Variants in AXDND1 observed in about 807,000 individuals in gnomAD.
The protein encoded by AXDND1 is axonemal dynein light chain domain-containing protein 1.
AXDND1 carries 110 observed loss-of-function variants against 137.5 expected under a neutral mutation model. The observed-to-expected ratio is 0.80, with a 90% confidence interval of 0.69 to 0.94. The LOEUF is 0.94. Among genes scored for constraint, AXDND1 ranks in the 40% least tolerant of loss-of-function variants. The pLI is 0.00. For missense variants in AXDND1, 1,191 were observed against 1,169.8 expected (o/e 1.02, Z -0.26); for synonymous variants, 414 against 399.7 (o/e 1.04, Z -0.43).
intron 16 of AXDND1, among the ~76,000 whole-genome samples, chr1:179,466,285 CTT>C (rs143320609): frequency 2.3e-5 from 2 of 87,800 alleles, no homozygotes; most frequent in Admixed American, 1.4e-4. Flanking sequence ...TCTTCTTCTT[CTT>C]TTTTTTTTTT....
At chr1:179,515,765 G>T (rs965156302) in intron 21 of AXDND1, among the ~76,000 whole-genome samples, 1 of 151,870 alleles carries the variant, frequency 6.6e-6, no homozygotes, top group Non-Finnish European at 1.5e-5. Context: ...TACAAATGAG[G>T]GTTCATTTTT....
intron 17 of AXDND1, among the ~76,000 whole-genome samples, chr1:179,481,475 T>G (rs1665374249): frequency 6.6e-6 from 1 of 152,212 alleles, no homozygotes; most frequent in African/African-American, 2.4e-5. Flanking sequence ...GCAGCATGAT[T>G]TAATAATCCT....
At chr1:179,438,480 A>T (rs1194891393) in intron 15 of AXDND1, among the ~76,000 whole-genome samples, 1 of 152,220 alleles carries the variant, frequency 6.6e-6, no homozygotes, top group Non-Finnish European at 1.5e-5. Flanking sequence ...CTTTGAATAG[A>T]ATCATGCAAA....
chr1:179,533,182 A>C (rs996095001), intron 23 of AXDND1: 3 of 152,184 alleles, frequency 2.0e-5, no homozygotes, highest in Non-Finnish European at 4.4e-5. Context: ...TTCTGGGAAA[A>C]TGTTAATATT....
At chr1:179,536,619 G>A (rs1572203996) in intron 25 of AXDND1, among the ~76,000 whole-genome samples, 1 of 152,198 alleles carries the variant, frequency 6.6e-6, no homozygotes, top group Non-Finnish European at 1.5e-5. Context: ...CCGTAGCCTT[G>A]TAGTATAGTT....
At chr1:179,482,739 G>A (rs947312640) in intron 17 of AXDND1, among the ~76,000 whole-genome samples, 4 of 151,716 alleles carry the variant, frequency 2.6e-5, no homozygotes, top group African/African-American at 7.3e-5. Context: ...GGTGGTGGGT[G>A]GTGGAAAGGG....
chr1:179,484,158 G>C (rs149773117), intron 18 of AXDND1, among the ~76,000 whole-genome samples: 1 of 152,194 alleles, frequency 6.6e-6, no homozygotes, highest in Admixed American at 6.5e-5. Context: ...TACTCTTGCC[G>C]TAGGCATCTG....
intron 21 of AXDND1, among the ~76,000 whole-genome samples, chr1:179,517,678 C>G (rs946695837): frequency 6.6e-6 from 1 of 152,214 alleles, no homozygotes; most frequent in Middle Eastern, 3.2e-3. Flanking sequence ...TGACTCAGCT[C>G]CAGGTAAGGT....
chr1:179,413,046 T>C (rs1654131981), intron 12 of AXDND1, among the ~76,000 whole-genome samples: 1 of 152,204 alleles, frequency 6.6e-6, no homozygotes, highest in Non-Finnish European at 1.5e-5. Context: ...TACATCTTGA[T>C]TTCCTTTTAC....
intron 21 of AXDND1, among the ~76,000 whole-genome samples, chr1:179,519,149 G>A (rs1669823119): frequency 6.6e-6 from 1 of 152,170 alleles, no homozygotes; most frequent in Admixed American, 6.5e-5. Context: ...CAGTGATGTT[G>A]AGCTTTTTCT....
chr1:179,527,505 G>A (rs1474045389), intron 22 of AXDND1, among the ~76,000 whole-genome samples: 2 of 152,150 alleles, frequency 1.3e-5, no homozygotes, highest in African/African-American at 4.8e-5. Flanking sequence ...GTCTCTGACA[G>A]TATACTCATA....
intron 18 of AXDND1, among the ~76,000 whole-genome samples, chr1:179,485,389 C>T (rs1415393212): frequency 6.6e-6 from 1 of 152,184 alleles, no homozygotes; most frequent in Admixed American, 6.5e-5. Flanking sequence ...TGATACCAGA[C>T]CCTAGAGTTA....
At chr1:179,407,749 G>T (rs1179431208) in intron 11 of AXDND1, among the ~76,000 whole-genome samples, 10 of 152,124 alleles carry the variant, frequency 6.6e-5, no homozygotes, top group Admixed American at 5.9e-4. Flanking sequence ...TCAAATTTGG[G>T]TTGGGGATCT....
chr1:179,506,193 G>A (rs1668523318), intron 20 of AXDND1, among the ~76,000 whole-genome samples: 1 of 151,828 alleles, frequency 6.6e-6, no homozygotes, highest in African/African-American at 2.4e-5. Context: ...ACTGTTCCAA[G>A]GACCTAGAAT....
At chr1:179,508,104 G>A (rs1668698267) in intron 20 of AXDND1, among the ~76,000 whole-genome samples, 1 of 152,132 alleles carries the variant, frequency 6.6e-6, no homozygotes, top group East Asian at 1.9e-4. Context: ...AGTGGCTCAT[G>A]CCTGTAATCC....
At chr1:179,411,666 AG>A (rs1472742965) in intron 12 of AXDND1, among the ~76,000 whole-genome samples, 1 of 98,268 alleles carries the variant, frequency 1.0e-5, no homozygotes, top group Non-Finnish European at 2.3e-5. Flanking sequence ...TACACAATTA[AG>A]GGTCTTTTTT....
At chr1:179,378,532 G>C (rs1289922675) in intron 4 of AXDND1, 105 bp from the exon 5 acceptor site, 1 of 852,548 alleles carries the variant, frequency 1.2e-6, no homozygotes, top group East Asian at 3.3e-5. Context: ...TGCTGACACA[G>C]AGGACCATCT....
At chr1:179,471,249 T>C (rs1460431749) in intron 17 of AXDND1, among the ~76,000 whole-genome samples, 1 of 152,180 alleles carries the variant, frequency 6.6e-6, no homozygotes, top group African/African-American at 2.4e-5. Context: ...ATGAAATGAG[T>C]TAGAAGTATC....
intron 17 of AXDND1, among the ~76,000 whole-genome samples, chr1:179,477,829 G>A (rs12732770): frequency 0.55 from 83,468 of 151,944 alleles, 23,233 homozygotes; most frequent in East Asian, 0.76. Context: ...TCTTCCACCT[G>A]TAAGCCTGTA....
Sources: allele counts gnomAD v4.1 joint callset (sites outside exome capture counted in the v4.1 genomes callset), GRCh38; gene constraint gnomAD v4.1.1; transcripts MANE v1.5; gene names NCBI Gene and HGNC (gene_info 2026-07-23, HGNC 2026-07-21).